Variants in TRPV4 observed in about 807,000 individuals in gnomAD.
TRPV4 encodes transient receptor potential cation channel subfamily V member 4, also known as OSM9-like transient receptor potential channel 4.
TRPV4 carries 58 observed loss-of-function variants against 84.1 expected under a neutral mutation model. The observed-to-expected ratio is 0.69, with a 90% CI of 0.56 to 0.86. The LOEUF is 0.86. Ranked by LOEUF, TRPV4 falls within the 40% of genes least tolerant of loss-of-function variation. The pLI is 0.00. For missense variants in TRPV4, 879 were observed against 1,181.1 expected, an observed-to-expected ratio of 0.74 and a Z score of 3.75; for synonymous variants, 489 against 500.9, an observed-to-expected ratio of 0.98 and a Z score of 0.32.
intron 1 of TRPV4, among the ~76,000 whole-genome samples, chr12:109,830,246 T>G (rs1892376021): frequency 6.6e-6 from 1 of 152,202 alleles, no homozygotes; most frequent in Non-Finnish European, 1.5e-5. Context: ...ACAAATGGGA[T>G]TCAGGTCCCA....
chr12:109,787,268 T>C (rs1889750444), intron 13 of TRPV4, among the ~76,000 whole-genome samples: 1 of 152,204 alleles, frequency 6.6e-6, no homozygotes, highest in African/African-American at 2.4e-5. Flanking sequence ...AATCTCTTAA[T>C]TTTTAAATTT....
chr12:109,814,942 G>A lies in TRPV4; in HGVS notation c.-31-115C>T. 9.7e-7 allele frequency: 1 copy of A among 1,027,558 alleles called. No homozygotes were observed. Among genetic ancestry groups the A allele is most frequent in the Non-Finnish European group, 1.4e-6 (1 of 711,832 alleles). 63.7% of individuals were successfully genotyped at this position (1,027,558 alleles called of 1,614,324 possible). A position where few individuals can be genotyped will look rare whatever the true frequency, so the allele number is the denominator to read the frequency against. On this transcript the variant is annotated intron_variant, in intron 1 of 15. Coordinates refer to ENST00000261740, the MANE Select transcript of TRPV4 (RefSeq NM_021625.5). This position sits in a 1 kb window ranked among gnomAD's most constrained non-coding sequence, Gnocchi z 5.4. ...TGCCAGCTGCTTCAAAGCCACCGTT[G>A]TAATGACAGGGGCACAGGGAGGCCA...
chr12:109,810,404 G>T (rs1429097009), intron 2 of TRPV4, among the ~76,000 whole-genome samples: 1 of 152,236 alleles, frequency 6.6e-6, no homozygotes, highest in Non-Finnish European at 1.5e-5. Flanking sequence ...AGGGGAAGGG[G>T]AATGCAGTTG....
At chr12:109,787,977 G>C (rs1423502085) in intron 13 of TRPV4, among the ~76,000 whole-genome samples, 3 of 152,242 alleles carry the variant, frequency 2.0e-5, no homozygotes, top group Non-Finnish European at 4.4e-5. Flanking sequence ...CATGCTCACA[G>C]TTGCTAGAAA....
intron 7 of TRPV4, among the ~76,000 whole-genome samples, chr12:109,794,838 T>G (rs1322935176): frequency 6.6e-6 from 1 of 152,094 alleles, no homozygotes; most frequent in Non-Finnish European, 1.5e-5. Context: ...GCCAATGTGG[T>G]GAAACCCTGT....
intron 3 of TRPV4, among the ~76,000 whole-genome samples, chr12:109,806,202 T>A (rs1891109256): frequency 6.8e-6 from 1 of 146,192 alleles, no homozygotes. Flanking sequence ...TTGTATTTTC[T>A]TTTTTTTTTT....
rs147869140 is a variant in TRPV4, at chr12:109,820,814, C to T, written c.-31-5987G>A. ...CTGGGATTATAGGCGTGAGCCACTA[C>T]GCCCGGCCCTCAGCTGCCCTATTAA... On this transcript the variant is annotated intron_variant, in intron 1 of 15. Transcript: ENST00000261740. Among the ~76,000 whole-genome samples the T allele has an allele frequency of 3.0e-3, 451 of 152,262 alleles. 2 individuals carry two copies. Among genetic ancestry groups the T allele is most frequent in the Non-Finnish European group, 5.5e-3 (374 of 68,018 alleles).
At position 109,815,015 on chromosome 12, in the gene TRPV4, A is replaced by C. The variant is rs1165910679; in HGVS notation, c.-31-188T>G. 7 of 605,796 alleles carry C rather than the reference A, an allele frequency of 1.2e-5. No individual in the cohort carries two copies. The allele number at this position is 605,796 out of a possible 1,614,324, so 37.5% of individuals were successfully genotyped here. Reference sequence around the variant, plus strand: ...AGCCTCAGGCGGGAACTGCAACAGGAGCCTCTTTCACGAACCTGGAAACAC... The same window carrying C: ...AGCCTCAGGCGGGAACTGCAACAGGCGCCTCTTTCACGAACCTGGAAACAC... On this transcript the variant is annotated intron_variant, in intron 1 of 15. Coordinates refer to ENST00000261740, the MANE Select transcript of TRPV4 (RefSeq NM_021625.5). This position sits in a 1 kb window ranked among gnomAD's most constrained non-coding sequence, Gnocchi z 4.1.
At chr12:109,807,921 AG>A (rs1891244103) in intron 3 of TRPV4, among the ~76,000 whole-genome samples, 1 of 152,142 alleles carries the variant, frequency 6.6e-6, no homozygotes, top group Non-Finnish European at 1.5e-5. Context: ...GTGGGATGAG[AG>A]CCAGGAGTAT....
intron 8 of TRPV4, 138 bp downstream of exon 8, chr12:109,794,191 G>A (rs1750581682): frequency 1.6e-6 from 2 of 1,240,356 alleles, no homozygotes; most frequent in African/African-American, 1.5e-5. Context: ...GTGGATGCTG[G>A]AGGGCGCCTC....
intron 4 of TRPV4, among the ~76,000 whole-genome samples, chr12:109,802,644 C>T (rs988414546): frequency 1.0e-4 from 15 of 146,494 alleles, no homozygotes; most frequent in Admixed American, 3.5e-4. Flanking sequence ...TTTGTCAAGA[C>T]AGGATTTCAC....
chr12:109,819,164 A>G (rs1022130884), intron 1 of TRPV4, among the ~76,000 whole-genome samples: 1 of 152,158 alleles, frequency 6.6e-6, no homozygotes, highest in Non-Finnish European at 1.5e-5. Context: ...TGGTCAGAGA[A>G]AGAGTTTACT....
intron 1 of TRPV4, among the ~76,000 whole-genome samples, chr12:109,830,071 C>G (rs566581728): frequency 6.6e-6 from 1 of 152,342 alleles, no homozygotes; most frequent in South Asian, 2.1e-4. Context: ...CTGCCTTGGC[C>G]TCCCAGAGTG....
chr12:109,810,774 A>T (rs1207591737), intron 2 of TRPV4, among the ~76,000 whole-genome samples: 1 of 152,138 alleles, frequency 6.6e-6, no homozygotes, highest in Non-Finnish European at 1.5e-5. Context: ...GGCAGCCTTC[A>T]GGGCTCAGCC....
chr12:109,790,719 CAA>C (rs796139239), intron 12 of TRPV4, among the ~76,000 whole-genome samples: 39 of 140,148 alleles, frequency 2.8e-4, no homozygotes, highest in African/African-American at 1.0e-3. Flanking sequence ...CTGCCTCCAC[CAA>C]AAAAAAAAAA....
intron 12 of TRPV4, among the ~76,000 whole-genome samples, 190 bp downstream of exon 12, chr12:109,792,173 G>A (rs768027465): frequency 1.1e-4 from 16 of 151,004 alleles, no homozygotes; most frequent in Non-Finnish European, 2.1e-4. Flanking sequence ...AACCTGGGAG[G>A]TGGAGGTTAC....
In TRPV4 at chr12:109,820,514, C is replaced by CTTTTTTTTTTTTTTTTTTTTTTTTTTTTT. The variant is rs1186445597; in HGVS notation, c.-31-5688_-31-5687insAAAAAAAAAAAAAAAAAAAAAAAAAAAAA. Among the ~76,000 whole-genome samples, 2 of 123,078 alleles carry CTTTTTTTTTTTTTTTTTTTTTTTTTTTTT rather than the reference C, an allele frequency of 1.6e-5. 1 individual carries two copies. Among genetic ancestry groups the CTTTTTTTTTTTTTTTTTTTTTTTTTTTTT allele is most frequent in the Non-Finnish European group, 3.3e-5 (2 of 60,410 alleles). The allele number at this position is 123,078 out of a possible 152,430, so 80.7% of individuals were successfully genotyped here. On this transcript the variant is annotated intron_variant, in intron 1 of 15. Transcript: ENST00000261740. ...CTGATCTTCACTTTCTTCAGCTGCC[C>CTTTTTTTTTTTTTTTTTTTTTTTTTTTTT]TATTTTTTTTTTTTTTTTTTTTTTT...
Position 109,808,459 on chromosome 12 carries a change from C to A in TRPV4, c.396G>T (p.Pro132=), listed in dbSNP as rs114101785. The change falls in exon 3 of 16, where the codon CCG becomes CCT. Residue 132 remains proline, a synonymous_variant. Coordinates refer to ENST00000261740, the MANE Select transcript of TRPV4 (RefSeq NM_021625.5). ...GAGGGGCAGGGGCTTTGGGGCTCTG[C>A]GGCTGCTTCCTGGAGGAGGTAGGGA... ...RWRKKIIEKQ[P]QSPKAPAPQP... 1.1e-5 allele frequency: 18 copies of A among 1,612,096 alleles called. No individual in the cohort carries two copies. Among genetic ancestry groups the A allele is most frequent in the Non-Finnish European group, 1.5e-5 (18 of 1,178,674 alleles).
rs1158736208 is a variant in TRPV4, at chr12:109,815,056, C to A, written c.-31-229G>T. ...CTGGAAACACAAATTGGCCCCAGGT[C>A]CAACTACCCTGGGCATTAGCTGAAA... is the stretch of plus-strand genomic sequence containing the variant. On this transcript the variant is annotated intron_variant, in intron 1 of 15. Transcript: ENST00000261740. The surrounding 1 kb of genome is among the most constrained non-coding windows in gnomAD (Gnocchi z 4.1). Among the ~76,000 whole-genome samples the A allele has an allele frequency of 6.6e-6, 1 of 152,180 alleles. No homozygotes were observed. Among genetic ancestry groups the A allele is most frequent in the African/African-American group, 2.4e-5 (1 of 41,456 alleles).
Sources: allele counts gnomAD v4.1 joint callset (sites outside exome capture counted in the v4.1 genomes callset), GRCh38; gene constraint gnomAD v4.1.1; non-coding constraint Gnocchi (gnomAD v3.1); transcripts MANE v1.5; gene names NCBI Gene and HGNC (gene_info 2026-07-23, HGNC 2026-07-21).